DCP1B: variants seen among roughly 807,000 people sequenced by gnomAD.
DCP1B encodes decapping mRNA 1B, also known as mRNA-decapping enzyme 1B.
A neutral mutation model predicts 60.5 loss-of-function variants in DCP1B; 47 were observed. That is an observed-to-expected ratio of 0.78 (90% CI 0.61 to 0.99). DCP1B has a LOEUF of 0.99. Ranked by LOEUF, DCP1B falls within the 50% of genes least tolerant of loss-of-function variation. The pLI, the probability that DCP1B is intolerant of heterozygous loss-of-function variation, is 0.00. For synonymous variants in DCP1B, 267 were observed against 280.3 expected (o/e 0.95, Z 0.47); for missense variants, 725 against 756.8 (o/e 0.96, Z 0.49).
chr12:1,961,560 C>G lies in DCP1B; in HGVS notation c.522+3998G>C, dbSNP rs549706160. Among the ~76,000 whole-genome samples the G allele has an allele frequency of 2.4e-4, 37 of 152,218 alleles. No individual in the cohort carries two copies. In the South Asian group the frequency reaches 4.1e-3, roughly 17 times the overall value. The stretch of plus-strand genomic sequence containing the variant: ...CAACATTATAACAAATCTGTGAGGG[C>G]ATAAAGATGAACAGAACATTGTTTT... On this transcript the variant is annotated intron_variant, in intron 5 of 8. Coordinates refer to ENST00000280665, the MANE Select transcript of DCP1B (RefSeq NM_152640.5).
chr12:1,993,406 G>T lies in DCP1B; in HGVS notation c.192-15C>A, dbSNP rs538126639. 6.2e-7 allele frequency: 1 copy of T among 1,606,208 alleles called. No individual in the cohort carries two copies. On this transcript the variant is annotated splice_polypyrimidine_tract_variant and intron_variant, in intron 2 of 8. Transcript: ENST00000280665. Reference sequence around the variant, plus strand: ...GAGAAGCAGACCTAAAAATCACAAGGAGTCAGGGGGAAATCAATAGACAAA... The same window carrying T: ...GAGAAGCAGACCTAAAAATCACAAGTAGTCAGGGGGAAATCAATAGACAAA...
intron 2 of DCP1B, among the ~76,000 whole-genome samples, chr12:1,995,711 G>T (rs1380066334): frequency 6.6e-6 from 1 of 152,212 alleles, no homozygotes; most frequent in Non-Finnish European, 1.5e-5. Context: ...TGCTGTTCTA[G>T]TCCTGCTTTT....
chr12:1,945,882 G>A (rs778675281), downstream of DCP1B, among the ~76,000 whole-genome samples: 7 of 152,076 alleles, frequency 4.6e-5, no homozygotes, highest in Non-Finnish European at 8.8e-5. Flanking sequence ...GGGGTCTGTC[G>A]CGGGGTGGGG....
At chr12:1,989,228 GT>G (rs1294900717) in intron 3 of DCP1B, among the ~76,000 whole-genome samples, 2 of 152,118 alleles carry the variant, frequency 1.3e-5, no homozygotes, top group Non-Finnish European at 2.9e-5. Flanking sequence ...TAAAAAGGTT[GT>G]TTTAAATTAT....
chr12:1,964,935 C>G (rs899305186), intron 5 of DCP1B, among the ~76,000 whole-genome samples: 1 of 152,116 alleles, frequency 6.6e-6, no homozygotes, highest in Admixed American at 6.5e-5. Context: ...AGGATTTTCC[C>G]AGCTATTCTT....
Position 1,948,940 on chromosome 12 carries a change from A to G in DCP1B, c.1773+146T>C, listed in dbSNP as rs140791489. The G allele has an allele frequency of 1.9e-3, 1,974 of 1,045,864 alleles. 4 individuals are homozygous for G. The highest frequency in any genetic ancestry group is 2.6e-3 in the Admixed American group (94 of 36,338). The allele number at this position is 1,045,864 out of a possible 1,614,324, so 64.8% of individuals were successfully genotyped here. A position where few individuals can be genotyped will look rare whatever the true frequency, so the allele number is the denominator to read the frequency against. ...TAACACCTAGCTAACTGAGCACAGA[A>G]GCCGCTGGGGTCAGGATGAGTTGTT... On this transcript the variant is annotated intron_variant, in intron 8 of 8. Transcript: ENST00000280665. The surrounding 1 kb of genome is among the most constrained non-coding windows in gnomAD (Gnocchi z 4.8).
chr12:2,004,124 A>C, intron 1 of DCP1B, 158 bp downstream of exon 1: 2 of 1,008,748 alleles, frequency 2.0e-6, no homozygotes, highest in Non-Finnish European at 2.9e-6. Context: ...CAAACCCCCG[A>C]GACCCCATCT....
chr12:1,970,439 G>A (rs1422272106), intron 3 of DCP1B, among the ~76,000 whole-genome samples: 1 of 152,010 alleles, frequency 6.6e-6, no homozygotes, highest in Non-Finnish European at 1.5e-5. Context: ...CAAGAGTTCT[G>A]GCTACCGAAA....
At position 1,952,514 on chromosome 12, in the gene DCP1B, T is replaced by C. The variant is rs1232152736; in HGVS notation, c.1426A>G (p.Lys476Glu). ...GAGCTCTGAGCGAGCACAGGAAACT[T>C]AGCGGCCAAGGCTGGCCGGTTAGAG... is the stretch of plus-strand genomic sequence containing the variant. ...HASNRPALAA[K>E]FPVLAQSSGT... Residue 476 changes from lysine to glutamate, a missense_variant, in exon 7 of 9, where the codon AAG becomes GAG. Physicochemically the swap from Lys to Glu is moderately conservative, Grantham distance 56 (BLOSUM62 1). Transcript: ENST00000280665. 1.2e-5 allele frequency: 20 copies of C among 1,613,982 alleles called. No individual in the cohort carries two copies. Among genetic ancestry groups the C allele is most frequent in the Non-Finnish European group, 1.7e-5 (20 of 1,180,002 alleles).
At chr12:1,994,586 T>G (rs1168194670) in intron 2 of DCP1B, among the ~76,000 whole-genome samples, 7 of 152,344 alleles carry the variant, frequency 4.6e-5, no homozygotes, top group Non-Finnish European at 1.0e-4. Context: ...CAAAGAGCTC[T>G]GTTAGGGGTC....
chr12:1,947,780 G>A (rs191218040), intron 8 of DCP1B, among the ~76,000 whole-genome samples: 13 of 152,244 alleles, frequency 8.5e-5, no homozygotes, highest in Non-Finnish European at 1.9e-4. Flanking sequence ...ATTTATCTCT[G>A]ATTGTTATTA....
intron 3 of DCP1B, among the ~76,000 whole-genome samples, chr12:1,980,079 C>T (rs982795282): frequency 1.3e-5 from 2 of 152,108 alleles, no homozygotes; most frequent in African/African-American, 4.8e-5. Flanking sequence ...CTAAACAAAC[C>T]CATACACTAT....
At chr12:1,943,884 C>T (rs554408709), downstream of DCP1B, among the ~76,000 whole-genome samples, 622 of 152,274 alleles carry the variant, frequency 4.1e-3, 2 homozygotes, top group African/African-American at 0.014. Context: ...TGGCACAAGA[C>T]AAGGATGCCC....
rs1421905703 is a variant in DCP1B at position 1,962,390 on chromosome 12, A to G, written c.522+3168T>C. Among the ~76,000 whole-genome samples the G allele has an allele frequency of 3.3e-5, 5 of 152,236 alleles. No homozygotes were observed. The East Asian group carries it at 9.6e-4, about 29-fold the overall frequency. ...AAGGATTTTAAGATGTCAAAACATT[A>G]TAACATATAGAAGATAAAAAACAGA... On this transcript the variant is annotated intron_variant, in intron 5 of 8. Transcript: ENST00000280665. This position sits in a 1 kb window ranked among gnomAD's most constrained non-coding sequence, Gnocchi z 4.4.
chr12:1,955,473 G>C lies in DCP1B; in HGVS notation c.610C>G (p.Pro204Ala), dbSNP rs1304996778. 6.2e-7 allele frequency: 1 copy of C among 1,613,620 alleles called. No individual in the cohort carries two copies. Among genetic ancestry groups the C allele is most frequent in the Non-Finnish European group, 8.5e-7 (1 of 1,179,702 alleles). Residue 204 changes from proline (P) to alanine (A), a missense_variant, in exon 6 of 9, where the codon CCC becomes GCC. Pro to Ala is a conservative substitution (Grantham distance 27, BLOSUM62 -1). Transcript: ENST00000280665. ...PNLIKPIPVKPSENQQQRIPQ... is the reference protein window; with the variant it reads ...PNLIKPIPVKASENQQQRIPQ... The stretch of plus-strand genomic sequence containing the variant: ...ATACGCTGTTGCTGGTTTTCACTGG[G>C]TTTCACTGGAATTGGTTTGATGAGA...
In DCP1B at chr12:2,004,365, G is replaced by A. The variant is rs2042929060; in HGVS notation, c.67C>T (p.Arg23Cys). The change falls in exon 1 of 9, where the codon CGC (arginine) becomes TGC (cysteine). Residue 23 changes from arginine to cysteine, a missense_variant. Arg to Cys is a radical substitution (Grantham distance 180). Transcript: ENST00000280665. ...GRDISLAALQ[R>C]HDPYINRIVD... is the part of the protein sequence containing the mutation. Reference sequence around the variant, plus strand: ...ATGCGGTTGATATAGGGGTCGTGGCGCTGCAGGGCCGCTAGGCTGATGTCG... The same window carrying A: ...ATGCGGTTGATATAGGGGTCGTGGCACTGCAGGGCCGCTAGGCTGATGTCG... 1 of 1,613,132 alleles carries A rather than the reference G, an allele frequency of 6.2e-7. No homozygotes were observed. Among genetic ancestry groups the A allele is most frequent in the Admixed American group, 1.7e-5 (1 of 60,012 alleles).
chr12:1,999,977 C>G (rs1593392245), intron 1 of DCP1B, among the ~76,000 whole-genome samples: 1 of 151,968 alleles, frequency 6.6e-6, no homozygotes, highest in East Asian at 1.9e-4. Context: ...TCTTTGAAAA[C>G]AAACATGGTT....
intron 3 of DCP1B, among the ~76,000 whole-genome samples, chr12:1,990,803 A>G (rs1403194686): frequency 2.0e-5 from 3 of 152,212 alleles, no homozygotes; most frequent in Non-Finnish European, 2.9e-5. Context: ...TAAACCATAC[A>G]TAATTATTAT....
intron 8 of DCP1B, among the ~76,000 whole-genome samples, chr12:1,947,664 C>G (rs1008824066): frequency 2.6e-5 from 4 of 152,150 alleles, no homozygotes; most frequent in African/African-American, 9.7e-5. Context: ...TCACAGATGT[C>G]TAATTCCTCC....
Sources: gnomAD v4.1 joint callset for allele counts (sites outside exome capture counted in the v4.1 genomes callset) on GRCh38, gnomAD v4.1.1 for gene constraint, Gnocchi (gnomAD v3.1) non-coding constraint, MANE v1.5 for transcripts, NCBI Gene and HGNC (gene_info 2026-07-23, HGNC 2026-07-21) for gene names.